Variants in MYH14 observed in about 807,000 individuals in gnomAD.
MYH14 encodes myosin-14.
In MYH14, 123 loss-of-function variants were observed where a neutral mutation model predicts 255.5. That is an observed-to-expected ratio of 0.48 (90% CI 0.42 to 0.56). The LOEUF (loss-of-function observed/expected upper bound fraction) is 0.56, where lower values mean the gene tolerates loss of function less well. Ranked by LOEUF, MYH14 falls within the 20% of genes least tolerant of loss-of-function variation. The pLI is 0.00. For synonymous variants in MYH14, 1,095 were observed against 1,161.2 expected (o/e 0.94, Z 1.16); for missense variants, 2,423 against 2,802.3 (o/e 0.86, Z 3.06).
chr19:50,287,976 A>T (rs1441659088), intron 34 of MYH14, among the ~76,000 whole-genome samples: 1 of 152,024 alleles, frequency 6.6e-6, no homozygotes, highest in Non-Finnish European at 1.5e-5. Flanking sequence ...CTCTCCCACC[A>T]AGCCTCTGTC....
At chr19:50,218,142 G>A (rs894884523) in intron 3 of MYH14, among the ~76,000 whole-genome samples, 45 of 151,862 alleles carry the variant, frequency 3.0e-4, no homozygotes, top group African/African-American at 1.0e-3. Context: ...GACTACAGGC[G>A]TGCACCACTG....
chr19:50,299,539 C>G (rs2036401421), intron 39 of MYH14, among the ~76,000 whole-genome samples: 1 of 132,936 alleles, frequency 7.5e-6, no homozygotes, highest in African/African-American at 3.0e-5. Context: ...CCACTGCACT[C>G]CAGCCTTGGT....
intron 39 of MYH14, among the ~76,000 whole-genome samples, chr19:50,298,156 G>A (rs553508648): frequency 6.6e-6 from 1 of 152,198 alleles, no homozygotes; most frequent in South Asian, 2.1e-4. Context: ...GACAAAAAGG[G>A]TCCGATCTAA....
chr19:50,227,438 A>G (rs1229792816), intron 8 of MYH14, among the ~76,000 whole-genome samples: 1 of 152,068 alleles, frequency 6.6e-6, no homozygotes, highest in Non-Finnish European at 1.5e-5. Context: ...GTGGCTGGCC[A>G]CATCCCCGCC....
At chr19:50,269,461 C>T (rs1465771828) in intron 24 of MYH14, among the ~76,000 whole-genome samples, 2 of 152,134 alleles carry the variant, frequency 1.3e-5, no homozygotes, top group Non-Finnish European at 2.9e-5. Context: ...GGATTACAGG[C>T]GTGAGCCACC....
At chr19:50,206,964 A>G (rs757080029) in intron 1 of MYH14, among the ~76,000 whole-genome samples, 10 of 148,314 alleles carry the variant, frequency 6.7e-5, no homozygotes, top group Non-Finnish European at 1.5e-4. Context: ...CTGTAATCCC[A>G]GCACTGTGGA....
chr19:50,265,016 C>G (rs1317107129), intron 22 of MYH14, among the ~76,000 whole-genome samples: 1 of 152,194 alleles, frequency 6.6e-6, no homozygotes, highest in Non-Finnish European at 1.5e-5. Flanking sequence ...AACTGAGCAC[C>G]TACTATGTGC....
rs1473064946 is a variant in MYH14 at position 50,310,096 on chromosome 19, T to C, written c.*306T>C. The C allele has an allele frequency of 6.1e-6, 3 of 491,046 alleles. No homozygotes were observed. The highest frequency in any genetic ancestry group is 3.8e-5 in the East Asian group (1 of 26,004). 30.4% of individuals were successfully genotyped at this position (491,046 alleles called of 1,614,324 possible). ...CCTGTCCTCCTTTCTTCCCTCGTTA[T>C]TGATCTATAGACATTAGGAAGGGAG... On this transcript the variant is annotated 3_prime_UTR_variant, in exon 43 of 43. Coordinates refer to ENST00000642316, the MANE Select transcript of MYH14 (RefSeq NM_001145809.2).
chr19:50,309,232 A>C, intron 42 of MYH14, 55 bp downstream of exon 42: 2 of 1,549,412 alleles, frequency 1.3e-6, no homozygotes, highest in Non-Finnish European at 1.8e-6. Context: ...AACTCCATAA[A>C]CCCCAGGGAC....
Position 50,276,996 on chromosome 19 carries a change from G to A in MYH14, c.3825+95G>A. On this transcript the variant is annotated intron_variant, in intron 29 of 42. Coordinates refer to ENST00000642316, the MANE Select transcript of MYH14 (RefSeq NM_001145809.2). The surrounding 1 kb of genome is among the most constrained non-coding windows in gnomAD (Gnocchi z 4.3). Reference sequence around the variant, plus strand: ...GGTACCGCTGGCTGGTTCTAGGCTAGCTCATCTCCCTGGGCCCCTTTCCTC... The same window carrying A: ...GGTACCGCTGGCTGGTTCTAGGCTAACTCATCTCCCTGGGCCCCTTTCCTC... 1 of 919,214 alleles carries A rather than the reference G, an allele frequency of 1.1e-6. No individual in the cohort carries two copies. The highest frequency in any genetic ancestry group is 1.6e-5 in the South Asian group (1 of 62,304). The allele number at this position is 919,214 out of a possible 1,614,324, so 56.9% of individuals were successfully genotyped here.
chr19:50,309,619 C>T (rs767661109), intron 42 of MYH14, 21 bp from the exon 43 acceptor site: 27 of 1,328,216 alleles, frequency 2.0e-5, no homozygotes, highest in Non-Finnish European at 2.7e-5. Context: ...ATCTCTGTAT[C>T]CTGGTCTCTC....
At position 50,261,580 on chromosome 19, in the gene MYH14, G is replaced by C; in HGVS notation, c.2530G>C (p.Val844Leu). The C allele has an allele frequency of 2.5e-6, 4 of 1,603,520 alleles. No individual in the cohort carries two copies. The highest frequency in any genetic ancestry group is 3.4e-6 in the Non-Finnish European group (4 of 1,176,464). Residue 844 changes from valine to leucine, a missense_variant, in exon 21 of 43, where the codon GTC (valine) becomes CTC (leucine). Val to Leu is a conservative substitution (Grantham distance 32, BLOSUM62 1). Around this residue, in one of 3 missense-constraint regions of MYH14, gnomAD observed 1,513 missense variants for 1,674.8 expected, o/e 0.90. Coordinates refer to ENST00000642316, the MANE Select transcript of MYH14 (RefSeq NM_001145809.2). ...GCTGGAAGAGGAGCGAGACCTGAAG[G>C]TCACCGACATCATCGTCTCCTTCCA... ...AQLEEERDLK[V>L]TDIIVSFQAA...
At chr19:50,206,062 G>C (rs1202993933) in intron 1 of MYH14, among the ~76,000 whole-genome samples, 1 of 152,172 alleles carries the variant, frequency 6.6e-6, no homozygotes, top group East Asian at 1.9e-4. Context: ...AGGAAGGGTA[G>C]GGCAGTCAGA....
chr19:50,227,056 C>T, intron 8 of MYH14, 90 bp downstream of exon 8: 4 of 1,272,174 alleles, frequency 3.1e-6, no homozygotes, highest in Non-Finnish European at 4.6e-6. Context: ...ACTGCAGGGA[C>T]CCCTTACCTG....
In MYH14 at chr19:50,272,792, GGT is replaced by G. The variant is rs1411185490; in HGVS notation, c.3467+63_3467+64del. On this transcript the variant is annotated intron_variant, in intron 27 of 42. Coordinates refer to ENST00000642316, the MANE Select transcript of MYH14 (RefSeq NM_001145809.2). ...ATGGGTGCACGGCCAGCCAGCGTGG[GGT>G]GCCCAAGTCAGAAGCTCCTGGGTAC... The G allele has an allele frequency of 1.3e-5, 19 of 1,510,654 alleles. No homozygotes were observed. The African/African-American group carries it at 2.5e-4, about 20-fold the overall frequency. The allele number at this position is 1,510,654 out of a possible 1,614,324, so 93.6% of individuals were successfully genotyped here.
At position 50,230,598 on chromosome 19, in the gene MYH14, G is replaced by T; in HGVS notation, c.948G>T (p.Leu316=). The T allele has an allele frequency of 6.4e-7, 1 of 1,566,068 alleles. No homozygotes were observed. The highest frequency in any genetic ancestry group is 8.7e-7 in the Non-Finnish European group (1 of 1,155,732). The change falls in exon 9 of 43, where the codon CTG becomes CTT. Residue 316 remains leucine, a synonymous_variant. Coordinates refer to ENST00000642316, the MANE Select transcript of MYH14 (RefSeq NM_001145809.2). The surrounding 1 kb of genome is among the most constrained non-coding windows in gnomAD (Gnocchi z 4.7). ...GCTTCCACATCTTCTACCAGCTGCT[G>T]GGGGGCGCTGGAGAGCAGCTCAAAG... ...ECSFHIFYQL[L]GGAGEQLKAD...
chr19:50,258,765 AAC>A (rs2034702601), intron 18 of MYH14: 3 of 175,080 alleles, frequency 1.7e-5, no homozygotes, highest in African/African-American at 2.4e-5. Context: ...AACAAACAAA[AAC>A]CAAAAAAACA....
At position 50,309,683 on chromosome 19, in the gene MYH14, T is replaced by G. The variant is rs1352206696; in HGVS notation, c.6004T>G (p.Phe2002Val). ...TFTTRTVRQV[F>V]RLEEGVASDE... ...CACCACCCGCACGGTGCGCCAGGTC[T>G]TCCGACTAGAGGAGGGCGTGGCATC... Residue 2002 changes from phenylalanine (F) to valine (V), a missense_variant, in exon 43 of 43, where the codon TTC becomes GTC. Phe to Val is a conservative substitution (Grantham distance 50, BLOSUM62 -1). This residue lies in a region of MYH14 where 1,513 missense variants were observed against 1,674.8 expected (regional missense o/e 0.90). Transcript: ENST00000642316. 2 of 1,598,974 alleles carry G rather than the reference T, an allele frequency of 1.3e-6. No individual in the cohort carries two copies. Among genetic ancestry groups the G allele is most frequent in the Non-Finnish European group, 1.7e-6 (2 of 1,171,370 alleles).
intron 11 of MYH14, among the ~76,000 whole-genome samples, chr19:50,245,860 C>T (rs2034092685): frequency 6.6e-6 from 1 of 152,160 alleles, no homozygotes; most frequent in Admixed American, 6.6e-5. Flanking sequence ...GTTTTGAAAC[C>T]TGCTTTTTTT....
Sources: allele counts gnomAD v4.1 joint callset (sites outside exome capture counted in the v4.1 genomes callset), GRCh38; gene constraint gnomAD v4.1.1; regional missense constraint gnomAD v4.1.1; non-coding constraint Gnocchi (gnomAD v3.1); transcripts MANE v1.5; gene names NCBI Gene and HGNC (gene_info 2026-07-23, HGNC 2026-07-21).